SLIT3: variants seen among roughly 807,000 people sequenced by gnomAD.
SLIT3 encodes slit guidance ligand 3.
In SLIT3, 68 loss-of-function variants were observed where a neutral mutation model predicts 184.0. That is an observed-to-expected ratio of 0.37 (90% CI 0.30 to 0.45). The LOEUF is 0.45. Ranked by LOEUF, SLIT3 falls within the 20% of genes least tolerant of loss-of-function variation. The pLI, the probability that SLIT3 is intolerant of heterozygous loss-of-function variation, is 1.00. For missense variants in SLIT3, 1,707 were observed against 2,026.0 expected (o/e 0.84, Z 3.02); for synonymous variants, 831 against 828.6 (o/e 1.00, Z -0.05).
At position 168,919,482 on chromosome 5, in the gene SLIT3, A is replaced by G. The variant is rs1228162428; in HGVS notation, c.414-36146T>C. Among the ~76,000 whole-genome samples, 10 of 152,232 alleles carry G rather than the reference A, an allele frequency of 6.6e-5. No individual in the cohort carries two copies. In the East Asian group the frequency reaches 1.9e-3, roughly 29 times the overall value. ...TAACTATGATATACTGTTAAGCAAA[A>G]CAGTAAACTTTAAAATGGGGTGTAA... is the stretch of plus-strand genomic sequence containing the variant. On this transcript the variant is annotated intron_variant, in intron 4 of 35. Coordinates refer to ENST00000519560, the MANE Select transcript of SLIT3 (RefSeq NM_003062.4).
At chr5:168,932,444 C>T (rs567422966) in intron 4 of SLIT3, among the ~76,000 whole-genome samples, 3 of 151,848 alleles carry the variant, frequency 2.0e-5, no homozygotes, top group Admixed American at 2.0e-4. Context: ...TTTTCTCTTT[C>T]CCTAGGAGAC....
At chr5:169,155,905 C>T (rs774321690) in intron 4 of SLIT3, among the ~76,000 whole-genome samples, 4 of 152,190 alleles carry the variant, frequency 2.6e-5, no homozygotes, top group Non-Finnish European at 5.9e-5. Context: ...CCATAAGCTG[C>T]CTCTTCAGGA....
chr5:168,849,421 A>G (rs1304951847), intron 5 of SLIT3, among the ~76,000 whole-genome samples: 1 of 152,214 alleles, frequency 6.6e-6, no homozygotes, highest in African/African-American at 2.4e-5. Flanking sequence ...GAGTTTAACA[A>G]TTTGCTAATT....
At chr5:168,900,450 A>G (rs1164169804) in intron 4 of SLIT3, among the ~76,000 whole-genome samples, 3 of 152,194 alleles carry the variant, frequency 2.0e-5, no homozygotes, top group Admixed American at 6.5e-5. Flanking sequence ...ACTCATCTCT[A>G]CAAAAAATAC....
chr5:169,196,515 C>T (rs989300879), intron 3 of SLIT3, among the ~76,000 whole-genome samples: 5 of 152,162 alleles, frequency 3.3e-5, no homozygotes, highest in Non-Finnish European at 5.9e-5. Context: ...GCATGTCAAA[C>T]GCCATGCCAC....
chr5:168,968,106 A>C (rs939415916), intron 4 of SLIT3, among the ~76,000 whole-genome samples: 1 of 151,880 alleles, frequency 6.6e-6, no homozygotes, highest in Non-Finnish European at 1.5e-5. Context: ...AGAATGATTT[A>C]TCTCTCCCCT....
intron 4 of SLIT3, among the ~76,000 whole-genome samples, chr5:168,932,411 C>T (rs1434272473): frequency 6.6e-6 from 1 of 151,690 alleles, no homozygotes; most frequent in Non-Finnish European, 1.5e-5. Context: ...CCTACACACA[C>T]ACAGAGATTT....
chr5:169,090,863 T>G (rs1255689589), intron 4 of SLIT3, among the ~76,000 whole-genome samples: 9 of 152,230 alleles, frequency 5.9e-5, no homozygotes, highest in Admixed American at 5.9e-4. Context: ...CATCTTGATT[T>G]CAGAAGTCTG....
chr5:168,778,703 A>G (rs1438832758), intron 12 of SLIT3, among the ~76,000 whole-genome samples: 2 of 152,248 alleles, frequency 1.3e-5, no homozygotes, highest in Non-Finnish European at 1.5e-5. Context: ...TACTCTGAGC[A>G]GGCCAGGGAC....
chr5:168,898,544 C>T (rs550141284), intron 4 of SLIT3, among the ~76,000 whole-genome samples: 13 of 152,216 alleles, frequency 8.5e-5, no homozygotes, highest in African/African-American at 3.1e-4. Flanking sequence ...GAGATTTATA[C>T]CAATGAATAT....
intron 3 of SLIT3, 29 bp downstream of exon 3, chr5:169,244,676 T>C: frequency 1.3e-6 from 2 of 1,592,660 alleles, no homozygotes; most frequent in Non-Finnish European, 1.7e-6. Context: ...AAATAAATAC[T>C]TTAAGAAAGG....
intron 32 of SLIT3, among the ~76,000 whole-genome samples, chr5:168,676,662 A>G (rs890342336): frequency 1.3e-5 from 2 of 152,208 alleles, no homozygotes; most frequent in African/African-American, 4.8e-5. Context: ...GGTATATCCC[A>G]CAGCGTCCTA....
intron 31 of SLIT3, among the ~76,000 whole-genome samples, chr5:168,685,129 A>G (rs1384700376): frequency 1.3e-5 from 2 of 152,134 alleles, no homozygotes; most frequent in Non-Finnish European, 2.9e-5. Flanking sequence ...TTTTATTTTT[A>G]GTAGAGACTG....
At chr5:168,964,727 G>A (rs1763124997) in intron 4 of SLIT3, among the ~76,000 whole-genome samples, 1 of 152,184 alleles carries the variant, frequency 6.6e-6, no homozygotes, top group Non-Finnish European at 1.5e-5. Flanking sequence ...AAGCCAGGAT[G>A]AGCATCAAAG....
chr5:168,719,265 T>G (rs1306191269), intron 23 of SLIT3, among the ~76,000 whole-genome samples: 1 of 152,224 alleles, frequency 6.6e-6, no homozygotes, highest in East Asian at 1.9e-4. Context: ...TTGGTCAGGC[T>G]GGTCTTGAAC....
At chr5:169,233,876 T>A (rs1051815611) in intron 3 of SLIT3, among the ~76,000 whole-genome samples, 3 of 152,184 alleles carry the variant, frequency 2.0e-5, no homozygotes, top group Non-Finnish European at 4.4e-5. Context: ...CAGTGTTTAA[T>A]AGAAGCTATG....
chr5:169,108,896 G>A (rs1025299571), intron 4 of SLIT3, among the ~76,000 whole-genome samples: 1 of 152,218 alleles, frequency 6.6e-6, no homozygotes, highest in Non-Finnish European at 1.5e-5. Flanking sequence ...AGAAAAGACT[G>A]TCAGTATCCT....
At chr5:168,830,032 G>T (rs1335222660) in intron 6 of SLIT3, among the ~76,000 whole-genome samples, 1 of 152,184 alleles carries the variant, frequency 6.6e-6, no homozygotes. Context: ...CTGCTGATGG[G>T]CAGCCAACAT....
chr5:168,914,313 T>C (rs1269503801), intron 4 of SLIT3, among the ~76,000 whole-genome samples: 2 of 152,064 alleles, frequency 1.3e-5, no homozygotes, highest in African/African-American at 4.8e-5. Flanking sequence ...ACTCTGTAGA[T>C]CATAGTCCCA....
Sources: gnomAD v4.1 joint callset for allele counts (sites outside exome capture counted in the v4.1 genomes callset) on GRCh38, gnomAD v4.1.1 for gene constraint, MANE v1.5 for transcripts, NCBI Gene and HGNC (gene_info 2026-07-23, HGNC 2026-07-21) for gene names.